ITGB1: variants seen among roughly 807,000 people sequenced by gnomAD.
ITGB1 encodes integrin beta-1.
ITGB1 carries 24 observed loss-of-function variants against 86.5 expected under a neutral mutation model. The ratio of observed to expected loss-of-function variants is 0.28; its 90% confidence interval spans 0.20 to 0.39. The LOEUF is 0.39. ITGB1 is among the 10% of genes least tolerant of loss of function. The pLI, the probability that ITGB1 is intolerant of heterozygous loss-of-function variation, is 1.00. For missense variants in ITGB1, 556 were observed against 946.9 expected, an observed-to-expected ratio of 0.59 and a Z score of 5.42; for synonymous variants, 323 against 316.8, an observed-to-expected ratio of 1.02 and a Z score of -0.21.
chr10:32,941,822 G>A (rs2095018858), intron 1 of ITGB1, among the ~76,000 whole-genome samples: 1 of 152,106 alleles, frequency 6.6e-6, no homozygotes, highest in Admixed American at 6.5e-5. Context: ...AGGAAGGATG[G>A]GAGAAAGAAA....
At chr10:32,956,720 A>G (rs2095053029) in intron 1 of ITGB1, among the ~76,000 whole-genome samples, 1 of 152,016 alleles carries the variant, frequency 6.6e-6, no homozygotes, top group Non-Finnish European at 1.5e-5. Context: ...AAACGAAATA[A>G]CCTAGTAATT....
chr10:32,920,392 G>T lies in ITGB1; in HGVS notation c.1129-7C>A, dbSNP rs2094945690. The T allele has an allele frequency of 6.2e-7, 1 of 1,612,560 alleles. No individual in the cohort carries two copies. The highest frequency in any genetic ancestry group is 1.1e-5 in the South Asian group (1 of 90,928). On this transcript the variant is annotated splice_region_variant and splice_polypyrimidine_tract_variant and intron_variant, in intron 9 of 15. Coordinates refer to ENST00000302278, the MANE Select transcript of ITGB1 (RefSeq NM_002211.4). ...TGACTTCTGAGGAAAGGGACTAAAA[G>T]AATGCCTAATTATACACAGGAAAAG...
chr10:32,909,571 T>C (rs372219355), intron 14 of ITGB1, among the ~76,000 whole-genome samples: 11 of 152,218 alleles, frequency 7.2e-5, no homozygotes, highest in African/African-American at 2.4e-4. Flanking sequence ...GAGACAATAT[T>C]TGCAAAACAC....
intron 1 of ITGB1, among the ~76,000 whole-genome samples, chr10:32,957,552 T>C (rs2095055019): frequency 6.6e-6 from 1 of 151,828 alleles, no homozygotes; most frequent in Non-Finnish European, 1.5e-5. Context: ...TCTACCCGGC[T>C]CCCGCCGCCC....
At chr10:32,914,059 C>G (rs1299652701) in intron 11 of ITGB1, among the ~76,000 whole-genome samples, 1 of 152,104 alleles carries the variant, frequency 6.6e-6, no homozygotes, top group Non-Finnish European at 1.5e-5. Flanking sequence ...TCATATTAAG[C>G]CAAACTAAGC....
At chr10:32,943,186 T>A (rs2095023059) in intron 1 of ITGB1, among the ~76,000 whole-genome samples, 1 of 152,200 alleles carries the variant, frequency 6.6e-6, no homozygotes, top group East Asian at 1.9e-4. Flanking sequence ...TCAATTACTT[T>A]AAGTATATAA....
chr10:32,937,591 A>G (rs956679499), intron 1 of ITGB1, among the ~76,000 whole-genome samples: 1 of 151,114 alleles, frequency 6.6e-6, no homozygotes, highest in Non-Finnish European at 1.5e-5. Flanking sequence ...GTTACAAAAT[A>G]ATTTTGGATG....
chr10:32,902,055 C>T (rs904121902), intron 15 of ITGB1, among the ~76,000 whole-genome samples: 2 of 152,116 alleles, frequency 1.3e-5, no homozygotes, highest in Admixed American at 6.6e-5. Context: ...CTAATCAAAA[C>T]GGGAATCCTC....
chr10:32,935,106 C>T (rs1028209949), intron 2 of ITGB1, among the ~76,000 whole-genome samples: 5 of 152,174 alleles, frequency 3.3e-5, no homozygotes, highest in Non-Finnish European at 7.4e-5. Context: ...GTGAGAATGT[C>T]TTCTAGAAAG....
intron 1 of ITGB1, among the ~76,000 whole-genome samples, chr10:32,948,559 T>C (rs963688661): frequency 2.0e-5 from 3 of 152,036 alleles, no homozygotes; most frequent in African/African-American, 4.8e-5. Flanking sequence ...AAAGCAACAG[T>C]GATGAGAGGT....
In ITGB1 at chr10:32,922,745, C is replaced by G. The variant is rs1361051809; in HGVS notation, c.943-10G>C. On this transcript the variant is annotated splice_polypyrimidine_tract_variant and intron_variant, in intron 7 of 15. Transcript: ENST00000302278. ...CAATAGAAGGATAATCCTAAGAAAT[C>G]AAGTAATATAATTTAGTATTTAAAT... 5 of 1,462,698 alleles carry G rather than the reference C, an allele frequency of 3.4e-6. No homozygotes were observed. Among genetic ancestry groups the G allele is most frequent in the Non-Finnish European group, 4.8e-6 (5 of 1,051,352 alleles). The allele number at this position is 1,462,698 out of a possible 1,614,324, so 90.6% of individuals were successfully genotyped here. A position where few individuals can be genotyped will look rare whatever the true frequency, so the allele number is the denominator to read the frequency against.
intron 1 of ITGB1, chr10:32,951,629 A>G (rs1034301020): frequency 6.6e-6 from 1 of 152,232 alleles, no homozygotes; most frequent in Admixed American, 6.5e-5. Context: ...CCCGAACTTA[A>G]TTCTTCCCAG....
At chr10:32,942,216 A>G (rs150842912) in intron 1 of ITGB1, among the ~76,000 whole-genome samples, 48 of 152,332 alleles carry the variant, frequency 3.2e-4, no homozygotes, top group African/African-American at 1.2e-3. Context: ...AAACAGAGAC[A>G]TGGTGCCTTT....
At chr10:32,930,201 T>C (rs1183292940) in intron 3 of ITGB1, among the ~76,000 whole-genome samples, 157 bp from the exon 4 acceptor site, 1 of 152,212 alleles carries the variant, frequency 6.6e-6, no homozygotes. Context: ...TCATCCAAAC[T>C]GTGGTAAGTG....
intron 14 of ITGB1, 66 bp from the exon 15 acceptor site, chr10:32,908,600 A>G: frequency 1.5e-6 from 2 of 1,367,086 alleles, no homozygotes; most frequent in East Asian, 2.3e-5. Flanking sequence ...AAAAACATAC[A>G]GGAATAAACA....
intron 3 of ITGB1, among the ~76,000 whole-genome samples, chr10:32,931,260 C>T (rs1473974554): frequency 6.6e-6 from 1 of 152,036 alleles, no homozygotes; most frequent in Non-Finnish European, 1.5e-5. Context: ...ACAATCATGA[C>T]ACCCAAATAC....
chr10:32,948,546 C>T (rs1026933647), intron 1 of ITGB1, among the ~76,000 whole-genome samples: 9 of 152,024 alleles, frequency 5.9e-5, no homozygotes, highest in Admixed American at 1.3e-4. Context: ...AAACTTAATC[C>T]CCAAAGCAAC....
chr10:32,933,076 C>A (rs554016322), intron 2 of ITGB1, among the ~76,000 whole-genome samples: 2 of 152,096 alleles, frequency 1.3e-5, no homozygotes, highest in African/African-American at 4.8e-5. Context: ...CCCTTCCCAG[C>A]CTCTGGTAAC....
At chr10:32,937,554 CAAAAAAAAA>C (rs56280552) in intron 1 of ITGB1, among the ~76,000 whole-genome samples, 14 of 91,904 alleles carry the variant, frequency 1.5e-4, no homozygotes, top group Admixed American at 4.5e-4. Flanking sequence ...GACTCCGTCT[CAAAAAAAAA>C]AAAAAAAAAA....
Sources: gnomAD v4.1 joint callset for allele counts (sites outside exome capture counted in the v4.1 genomes callset) on GRCh38, gnomAD v4.1.1 for gene constraint, MANE v1.5 for transcripts, NCBI Gene and HGNC (gene_info 2026-07-23, HGNC 2026-07-21) for gene names.